The following FAM227B variants were observed in gnomAD, a reference collection of about 807,000 sequenced individuals.
The protein encoded by FAM227B is family with sequence similarity 227 member B.
Under a neutral mutation model 73.8 loss-of-function variants are expected in FAM227B, and 88 were observed. That is an observed-to-expected ratio of 1.19 (90% confidence interval 1.00 to 1.42). The LOEUF (loss-of-function observed/expected upper bound fraction) is 1.42. FAM227B is among the 40% of genes most tolerant of loss of function. FAM227B has a pLI of 0.00. For synonymous variants in FAM227B, 210 were observed against 190.5 expected, an observed-to-expected ratio of 1.10 and a Z score of -0.84; for missense variants, 632 against 590.9, an observed-to-expected ratio of 1.07 and a Z score of -0.72.
chr15:49,471,366 A>G (rs1220202386), intron 11 of FAM227B, among the ~76,000 whole-genome samples: 3 of 151,762 alleles, frequency 2.0e-5, no homozygotes, highest in Non-Finnish European at 4.4e-5. Context: ...ACCTGTAATT[A>G]CAGCTACTCA....
intron 11 of FAM227B, among the ~76,000 whole-genome samples, chr15:49,463,592 G>A (rs1222598771): frequency 6.6e-6 from 1 of 150,644 alleles, no homozygotes; most frequent in Non-Finnish European, 1.5e-5. Flanking sequence ...AGCTGCATAA[G>A]TTCTTAATGG....
chr15:49,445,240 C>A (rs1449093569), intron 11 of FAM227B, among the ~76,000 whole-genome samples: 1 of 151,374 alleles, frequency 6.6e-6, no homozygotes, highest in Non-Finnish European at 1.5e-5. Flanking sequence ...AGCATAGTAC[C>A]CAATAGTTAA....
chr15:49,384,001 A>T (rs2046714038), intron 11 of FAM227B, among the ~76,000 whole-genome samples: 1 of 152,066 alleles, frequency 6.6e-6, no homozygotes, highest in African/African-American at 2.4e-5. Flanking sequence ...ACTGGGACTG[A>T]GGGAAAAAGT....
intron 11 of FAM227B, among the ~76,000 whole-genome samples, chr15:49,392,287 G>T (rs2047263866): frequency 6.6e-6 from 1 of 152,098 alleles, no homozygotes; most frequent in South Asian, 2.1e-4. Flanking sequence ...TAGTACCTTG[G>T]AGAAGGATTG....
intron 3 of FAM227B, among the ~76,000 whole-genome samples, chr15:49,593,146 T>C (rs1456672566): frequency 1.3e-5 from 2 of 152,180 alleles, no homozygotes; most frequent in African/African-American, 4.8e-5. Context: ...GCTTCCTGGG[T>C]GAGGTGATGC....
At chr15:49,424,126 G>A in intron 11 of FAM227B, 3 of 546,192 alleles carry the variant, frequency 5.5e-6, no homozygotes, top group Non-Finnish European at 9.7e-6. Context: ...GGAATCCTGT[G>A]TTGTTATCAG....
At chr15:49,411,446 T>C (rs1289379494) in intron 11 of FAM227B, among the ~76,000 whole-genome samples, 1 of 152,118 alleles carries the variant, frequency 6.6e-6, no homozygotes, top group Non-Finnish European at 1.5e-5. Context: ...TTTTTGATAC[T>C]TCTGAGTTTG....
chr15:49,420,956 T>C (rs1240662628), intron 11 of FAM227B, among the ~76,000 whole-genome samples: 1 of 152,192 alleles, frequency 6.6e-6, no homozygotes, highest in Admixed American at 6.5e-5. Context: ...TCCATCCGCC[T>C]CGGCCTCCCA....
intron 11 of FAM227B, among the ~76,000 whole-genome samples, chr15:49,483,545 C>T (rs1208074448): frequency 6.6e-6 from 1 of 151,922 alleles, no homozygotes; most frequent in Non-Finnish European, 1.5e-5. Flanking sequence ...TATTTAAAAT[C>T]CAAAATTTCC....
intron 9 of FAM227B, among the ~76,000 whole-genome samples, chr15:49,557,905 C>T (rs979521362): frequency 6.6e-6 from 1 of 152,228 alleles, no homozygotes; most frequent in Admixed American, 6.5e-5. Flanking sequence ...ACAGAGGCTG[C>T]AGCCATGGTG....
intron 14 of FAM227B, chr15:49,334,205 A>G (rs930332552): frequency 3.1e-6 from 3 of 972,804 alleles, no homozygotes; most frequent in African/African-American, 3.5e-5. Flanking sequence ...ACCAAGCTGA[A>G]TAAGAGACAA....
chr15:49,611,719 A>G (rs1244391885), intron 2 of FAM227B, among the ~76,000 whole-genome samples: 1 of 152,236 alleles, frequency 6.6e-6, no homozygotes, highest in African/African-American at 2.4e-5. Flanking sequence ...ATAGATAAAA[A>G]TCACATTTTT....
In FAM227B at chr15:49,615,369, A is replaced by C. The variant is rs966969680; in HGVS notation, c.-72-126T>G. 11 of 591,288 alleles carry C rather than the reference A, an allele frequency of 1.9e-5. No homozygotes were observed. In the African/African-American group the frequency reaches 2.0e-4, roughly 11 times the overall value. 36.6% of individuals were successfully genotyped at this position (591,288 alleles called of 1,614,324 possible). ...ATAGTTTGGCTCTGTATCTCCACTC[A>C]AATCTCATGTTGAACTGTTGGAATC... On this transcript the variant is annotated intron_variant, in intron 1 of 15. Transcript: ENST00000299338.
At chr15:49,462,620 C>T (rs1260605827) in intron 11 of FAM227B, among the ~76,000 whole-genome samples, 1 of 152,206 alleles carries the variant, frequency 6.6e-6, no homozygotes, top group Non-Finnish European at 1.5e-5. Flanking sequence ...GGGTAGGCTA[C>T]AGTAACTCTT....
chr15:49,513,874 T>A (rs1038801573), intron 10 of FAM227B, among the ~76,000 whole-genome samples: 2 of 152,214 alleles, frequency 1.3e-5, no homozygotes, highest in Admixed American at 6.5e-5. Context: ...ATCGCTTGTT[T>A]TTGTCAGGTT....
In FAM227B at chr15:49,588,022, CTT is replaced by C; in HGVS notation, c.397_398del (p.Lys133AspfsTer6). On this transcript the variant is annotated frameshift_variant, in exon 5 of 16. Transcript: ENST00000299338. LOFTEE classifies it high-confidence loss of function. ...AAAAACATAGATACCATACCATTAT[CTT>C]TTTTTTCTTATGGTACTTCTTTAGA... ...EFLKKYHKKK[K>X]IMLSDEMETE... The C allele has an allele frequency of 6.9e-7, 1 of 1,450,072 alleles. No homozygotes were observed. Among genetic ancestry groups the C allele is most frequent in the Non-Finnish European group, 9.2e-7 (1 of 1,087,372 alleles). 89.8% of individuals were successfully genotyped at this position (1,450,072 alleles called of 1,614,324 possible).
At chr15:49,369,266 G>C (rs769782877) in intron 12 of FAM227B, among the ~76,000 whole-genome samples, 5 of 152,034 alleles carry the variant, frequency 3.3e-5, no homozygotes, top group South Asian at 2.1e-4. Flanking sequence ...CTGGTGTTTT[G>C]GTTTTTAAAG....
At chr15:49,402,828 T>C (rs2048264100) in intron 11 of FAM227B, among the ~76,000 whole-genome samples, 1 of 151,894 alleles carries the variant, frequency 6.6e-6, no homozygotes, top group African/African-American at 2.4e-5. Flanking sequence ...TGAATAGGAG[T>C]GGTGAGAGTG....
chr15:49,562,894 A>G (rs2074367903), intron 9 of FAM227B, among the ~76,000 whole-genome samples: 1 of 152,162 alleles, frequency 6.6e-6, no homozygotes, highest in African/African-American at 2.4e-5. Context: ...CCAATATCAT[A>G]CTAAAAGGGC....
Sources: allele counts gnomAD v4.1 joint callset (sites outside exome capture counted in the v4.1 genomes callset), GRCh38; gene constraint gnomAD v4.1.1; transcripts MANE v1.5; gene names NCBI Gene and HGNC (gene_info 2026-07-23, HGNC 2026-07-21).